ZFHX3: variants seen among roughly 807,000 people sequenced by gnomAD.
The protein encoded by ZFHX3 is zinc finger homeobox 3.
Under a neutral mutation model 279.1 loss-of-function variants are expected in ZFHX3, and 42 were observed. The observed-to-expected ratio is 0.15, with a 90% CI of 0.12 to 0.19. The LOEUF (loss-of-function observed/expected upper bound fraction) is 0.19, where lower values mean the gene tolerates loss of function less well. Among genes scored for constraint, ZFHX3 ranks in the 10% least tolerant of loss-of-function variants. The probability of loss-of-function intolerance (pLI) is 1.00; values close to 1 mark genes in which losing one functional copy is unlikely to be tolerated. For missense variants in ZFHX3, 4,981 were observed against 4,754.0 expected (o/e 1.05, Z -1.40); for synonymous variants, 2,293 against 1,957.8 (o/e 1.17, Z -4.52).
intron 1 of ZFHX3, among the ~76,000 whole-genome samples, chr16:73,709,365 AG>A (rs1158527766): frequency 4.0e-5 from 6 of 151,798 alleles, no homozygotes; most frequent in African/African-American, 1.4e-4. Flanking sequence ...AGAGAGAGAG[AG>A]AGAGAGAGAT....
At chr16:73,231,510 A>G (rs979401316) in intron 5 of ZFHX3, among the ~76,000 whole-genome samples, 3 of 152,142 alleles carry the variant, frequency 2.0e-5, no homozygotes, top group African/African-American at 7.2e-5. Context: ...CTCTTTCTAC[A>G]TTTTGGAAGC....
intron 1 of ZFHX3, among the ~76,000 whole-genome samples, chr16:73,861,927 G>T (rs117676823): frequency 1.3e-5 from 2 of 152,236 alleles, no homozygotes; most frequent in East Asian, 1.9e-4. Context: ...TTGTTTTGTC[G>T]AGAGGACTTC....
chr16:73,009,514 A>C (rs1394632290), intron 1 of ZFHX3, among the ~76,000 whole-genome samples: 1 of 152,226 alleles, frequency 6.6e-6, no homozygotes, highest in African/African-American at 2.4e-5. Context: ...AAATGAGTAT[A>C]CTAGCCTGAA....
chr16:72,911,952 T>C (rs2039329078), intron 3 of ZFHX3, among the ~76,000 whole-genome samples: 1 of 152,240 alleles, frequency 6.6e-6, no homozygotes, highest in African/African-American at 2.4e-5. Context: ...CTCAGCTAGT[T>C]TAATTTCAAG....
chr16:73,063,968 C>G (rs1368965308), upstream of ZFHX3, among the ~76,000 whole-genome samples: 2 of 152,124 alleles, frequency 1.3e-5, no homozygotes, highest in African/African-American at 4.8e-5. Flanking sequence ...GGTCCCCGCG[C>G]CCAGGTGACG....
intron 3 of ZFHX3, among the ~76,000 whole-genome samples, chr16:73,396,924 T>G (rs1039972619): frequency 6.6e-6 from 1 of 152,206 alleles, no homozygotes; most frequent in East Asian, 1.9e-4. Context: ...CCAGCACAGA[T>G]GAGCCTAAGT....
chr16:72,914,533 A>T (rs2039394102), intron 3 of ZFHX3, among the ~76,000 whole-genome samples: 1 of 152,166 alleles, frequency 6.6e-6, no homozygotes, highest in Non-Finnish European at 1.5e-5. Context: ...TTGGCCCACA[A>T]CACCCCCGAT....
intron 4 of ZFHX3, among the ~76,000 whole-genome samples, chr16:73,294,584 G>A (rs1446491262): frequency 6.6e-6 from 1 of 152,130 alleles, no homozygotes; most frequent in Non-Finnish European, 1.5e-5. Flanking sequence ...GCCGAGATGG[G>A]CAGATCACCT....
chr16:73,770,080 A>G (rs1456874695), intron 1 of ZFHX3, among the ~76,000 whole-genome samples: 1 of 152,220 alleles, frequency 6.6e-6, no homozygotes, highest in Non-Finnish European at 1.5e-5. Flanking sequence ...TACATGGCAA[A>G]GGAGAATTAA....
chr16:72,806,263 G>A (rs2036261932), intron 7 of ZFHX3, among the ~76,000 whole-genome samples: 1 of 152,128 alleles, frequency 6.6e-6, no homozygotes, highest in Non-Finnish European at 1.5e-5. Context: ...CATGTAGGCT[G>A]GAAACAAATG....
At chr16:72,891,435 T>C (rs767122913) in intron 3 of ZFHX3, among the ~76,000 whole-genome samples, 9 of 152,140 alleles carry the variant, frequency 5.9e-5, no homozygotes, top group Non-Finnish European at 1.0e-4. Flanking sequence ...ACTCACAATG[T>C]TTCTGAGTCT....
intron 2 of ZFHX3, among the ~76,000 whole-genome samples, chr16:73,604,190 A>C (rs2052154153): frequency 6.6e-6 from 1 of 152,150 alleles, no homozygotes; most frequent in African/African-American, 2.4e-5. Context: ...AGAAAATTAA[A>C]TGTGCTGGAA....
intron 2 of ZFHX3, among the ~76,000 whole-genome samples, chr16:73,492,858 G>A (rs907495201): frequency 1.3e-5 from 2 of 152,186 alleles, no homozygotes; most frequent in Non-Finnish European, 2.9e-5. Flanking sequence ...TGGTGAGACT[G>A]TAAATTCTAG....
At chr16:73,260,904 G>A (rs536005661) in intron 4 of ZFHX3, among the ~76,000 whole-genome samples, 8 of 152,008 alleles carry the variant, frequency 5.3e-5, no homozygotes, top group African/African-American at 1.9e-4. Flanking sequence ...GGCTGGTCTC[G>A]AACTCCTGAC....
intron 2 of ZFHX3, among the ~76,000 whole-genome samples, chr16:73,468,659 C>T (rs752706755): frequency 1.8e-4 from 28 of 152,096 alleles, no homozygotes; most frequent in Non-Finnish European, 2.9e-4. Flanking sequence ...ATCATTTGAG[C>T]CCTGGAGGCA....
intron 2 of ZFHX3, among the ~76,000 whole-genome samples, chr16:73,531,311 A>G (rs2019798184): frequency 6.6e-6 from 1 of 152,194 alleles, no homozygotes; most frequent in African/African-American, 2.4e-5. Flanking sequence ...TATGCTTTTG[A>G]AAACCTTTCA....
intron 3 of ZFHX3, among the ~76,000 whole-genome samples, chr16:73,418,397 G>A (rs866690178): frequency 6.6e-6 from 1 of 152,222 alleles, no homozygotes; most frequent in Non-Finnish European, 1.5e-5. Flanking sequence ...CCCTGTCACG[G>A]GAAAGGATGA....
In ZFHX3 at chr16:73,065,144, G is replaced by C. The variant is rs1051895825; in HGVS notation, c.-532-6132C>G. 1.5e-4 allele frequency among the ~76,000 whole-genome samples: 23 copies of C among 152,338 alleles called. No homozygotes were observed. In the East Asian group the frequency reaches 4.2e-3, roughly 28 times the overall value. ...CTGCGATGGGCGGGCGGCGGGCTTG[G>C]GAGCAGGGCTGTGAGTGGGCAACTG... is the stretch of plus-strand genomic sequence containing the variant. On this transcript the variant is annotated intron_variant, in intron 8 of 17. Transcript: ENST00000641206.
At chr16:73,180,756 G>A (rs764173445) in intron 5 of ZFHX3, among the ~76,000 whole-genome samples, 2 of 151,706 alleles carry the variant, frequency 1.3e-5, no homozygotes, top group East Asian at 2.0e-4. Context: ...TCCGCTTCCC[G>A]GGTTCAAGCG....
Sources: gnomAD v4.1 joint callset for allele counts (sites outside exome capture counted in the v4.1 genomes callset) on GRCh38, gnomAD v4.1.1 for gene constraint, MANE v1.5 for transcripts, NCBI Gene and HGNC (gene_info 2026-07-23, HGNC 2026-07-21) for gene names.